MSX2: variants seen among roughly 807,000 people sequenced by gnomAD.
MSX2 encodes homeobox protein MSX-2.
In MSX2, 10 loss-of-function variants were observed where a neutral mutation model predicts 18.4. The observed-to-expected ratio is 0.54, with a 90% CI of 0.34 to 0.92. The LOEUF (loss-of-function observed/expected upper bound fraction) is 0.92. Ranked by LOEUF, MSX2 falls within the 40% of genes least tolerant of loss-of-function variation. The probability of loss-of-function intolerance (pLI) is 0.02; values close to 1 mark genes in which losing one functional copy is unlikely to be tolerated. For synonymous variants in MSX2, 170 were observed against 165.6 expected, an observed-to-expected ratio of 1.03 and a Z score of -0.20; for missense variants, 339 against 364.0, an observed-to-expected ratio of 0.93 and a Z score of 0.56.
rs1469400145 is a variant in MSX2 at position 174,729,015 on chromosome 5, A to AT, written c.380-137dup. The AT allele has an allele frequency of 4.4e-5, 30 of 680,382 alleles. No individual in the cohort carries two copies. The South Asian group carries it at 4.7e-4, about 11-fold the overall frequency. The allele number at this position is 680,382 out of a possible 1,614,324, so 42.1% of individuals were successfully genotyped here. A position where few individuals can be genotyped will look rare whatever the true frequency, so the allele number is the denominator to read the frequency against. On this transcript the variant is annotated intron_variant, in intron 1 of 1. Transcript: ENST00000239243. ...TGTGTGTATATGTATGTATATATAG[A>AT]TTTTTTTAAAGCTAAGTGCTTTCAG... is the stretch of plus-strand genomic sequence containing the variant.
intron 1 of MSX2, among the ~76,000 whole-genome samples, chr5:174,728,410 C>T (rs1462153716): frequency 1.4e-5 from 1 of 70,408 alleles, no homozygotes; most frequent in Non-Finnish European, 2.7e-5. Context: ...AATCTGTGGA[C>T]TGGATGCAAT....
At chr5:174,726,070 C>T (rs1260139479) in intron 1 of MSX2, among the ~76,000 whole-genome samples, 1 of 152,212 alleles carries the variant, frequency 6.6e-6, no homozygotes, top group Non-Finnish European at 1.5e-5. Flanking sequence ...AGAATTGAGG[C>T]TGCAGAGAAT....
Position 174,724,784 on chromosome 5 carries a change from T to C in MSX2, c.125T>C (p.Val42Ala). 6.4e-7 allele frequency: 1 copy of C among 1,555,376 alleles called. No individual in the cohort carries two copies. Among genetic ancestry groups the C allele is most frequent in the Non-Finnish European group, 8.7e-7 (1 of 1,150,164 alleles). The change falls in exon 1 of 2, where the codon GTC becomes GCC. Residue 42 changes from valine (V) to alanine (A), a missense_variant. Physicochemically the swap from Val to Ala is moderately conservative, Grantham distance 64 (BLOSUM62 0). Coordinates refer to ENST00000239243, the MANE Select transcript of MSX2 (RefSeq NM_002449.5). ...GCCGCGGAGGAGCGCCGCGTCAAGG[T>C]CTCCAGCCTGCCCTTCAGCGTGGAG... ...EGAAEERRVKVSSLPFSVEAL... is the reference protein window; with the variant it reads ...EGAAEERRVKASSLPFSVEAL...
chr5:174,725,160 A>G (rs1384135359), intron 1 of MSX2, 122 bp downstream of exon 1: 39 of 1,445,882 alleles, frequency 2.7e-5, no homozygotes, highest in Non-Finnish European at 3.6e-5. Context: ...CGGGAAAGCA[A>G]GCCCAGGGCC....
At chr5:174,725,800 T>C (rs957554928) in intron 1 of MSX2, among the ~76,000 whole-genome samples, 1 of 152,188 alleles carries the variant, frequency 6.6e-6, no homozygotes, top group Admixed American at 6.5e-5. Context: ...TGCAGAGTGA[T>C]GTTCACTAGC....
At chr5:174,725,109 G>T (rs1188166466) in intron 1 of MSX2, 71 bp downstream of exon 1, 5 of 1,574,498 alleles carry the variant, frequency 3.2e-6, no homozygotes, top group Non-Finnish European at 3.4e-6. Flanking sequence ...GGGTGTTCCA[G>T]GGCTGAGGGT....
chr5:174,724,999 G>A lies in MSX2; in HGVS notation c.340G>A (p.Ala114Thr). The A allele has an allele frequency of 1.2e-6, 2 of 1,610,522 alleles. No homozygotes were observed. The highest frequency in any genetic ancestry group is 1.7e-6 in the Non-Finnish European group (2 of 1,179,444). The change falls in exon 1 of 2, where the codon GCG becomes ACG. Residue 114 changes from alanine (A) to threonine (T), a missense_variant. Coordinates refer to ENST00000239243, the MANE Select transcript of MSX2 (RefSeq NM_002449.5). ...GTCGGAAAATTCAGAAGATGGAGCG[G>A]CGTGGATGCAGGAACCCGGCCGATA... Reference protein sequence around the residue: ...VKSENSEDGAAWMQEPGRYSP... With the variant: ...VKSENSEDGATWMQEPGRYSP...
Position 174,724,585 on chromosome 5 carries a change from G to A in MSX2, c.-75G>A, listed in dbSNP as rs916489479. 144 of 1,536,976 alleles carry A rather than the reference G, an allele frequency of 9.4e-5. No homozygotes were observed. The highest frequency in any genetic ancestry group is 1.2e-4 in the Non-Finnish European group (136 of 1,139,230). On this transcript the variant is annotated 5_prime_UTR_variant, in exon 1 of 2. Coordinates refer to ENST00000239243, the MANE Select transcript of MSX2 (RefSeq NM_002449.5). ...CCAGCGCGCCCCTCCCGTCTCCGCA[G>A]CAAAAAAGTTTGAGTCGCCGCTGCC...
At chr5:174,729,102 TA>T (rs1023958251) in intron 1 of MSX2, 56 bp from the exon 2 acceptor site, 2,108 of 1,561,258 alleles carry the variant, frequency 1.4e-3, no homozygotes, top group Middle Eastern at 3.5e-3. Context: ...GGGTTTTTTT[TA>T]GTATTATTTT....
chr5:174,725,806 C>G (rs751726191), intron 1 of MSX2, among the ~76,000 whole-genome samples: 3 of 152,154 alleles, frequency 2.0e-5, no homozygotes, highest in Admixed American at 2.0e-4. Flanking sequence ...GTGATGTTCA[C>G]TAGCTCACCA....
Position 174,729,677 on chromosome 5 carries a change from CTGCTAACCCTGCG to C in MSX2, c.*98_*110del. ...GGCAGTACCAGCCAGTACTCCTGCT[CTGCTAACCCTGCG>C]TGCACCACCCTAAGCGGCTAGGCTG... is the stretch of plus-strand genomic sequence containing the variant. On this transcript the variant is annotated 3_prime_UTR_variant, in exon 2 of 2. Transcript: ENST00000239243. The C allele has an allele frequency of 8.3e-6, 11 of 1,327,902 alleles. No individual in the cohort carries two copies. Among genetic ancestry groups the C allele is most frequent in the Non-Finnish European group, 1.2e-5 (11 of 934,894 alleles). The allele number at this position is 1,327,902 out of a possible 1,614,324, so 82.3% of individuals were successfully genotyped here. A position where few individuals can be genotyped will look rare whatever the true frequency, so the allele number is the denominator to read the frequency against.
intron 1 of MSX2, 128 bp downstream of exon 1, chr5:174,725,166 G>C: frequency 7.0e-7 from 1 of 1,426,682 alleles, no homozygotes; most frequent in Non-Finnish European, 9.3e-7. Context: ...AGCAAGCCCA[G>C]GGCCTCTGGA....
Position 174,730,544 on chromosome 5 carries a change from T to C in MSX2, c.*961T>C, listed in dbSNP as rs1760907096. On this transcript the variant is annotated 3_prime_UTR_variant, in exon 2 of 2. Transcript: ENST00000239243. ...GAGTATCTTGTAACCATTACCTATATGCTAAATATTCTTGAACAATTAGTA... is the reference window on the plus strand; with the variant it reads ...GAGTATCTTGTAACCATTACCTATACGCTAAATATTCTTGAACAATTAGTA... 1 of 148,692 alleles carries C rather than the reference T, an allele frequency of 6.7e-6. No individual in the cohort carries two copies. Among genetic ancestry groups the C allele is most frequent in the African/African-American group, 2.5e-5 (1 of 39,914 alleles). 9.2% of individuals were successfully genotyped at this position (148,692 alleles called of 1,614,324 possible).
chr5:174,725,541 T>C (rs1280485447), intron 1 of MSX2, among the ~76,000 whole-genome samples: 3 of 151,986 alleles, frequency 2.0e-5, no homozygotes, highest in South Asian at 2.1e-4. Flanking sequence ...TAGCCAGACA[T>C]TGAGGAGAAA....
Position 174,729,425 on chromosome 5 carries a change from C to G in MSX2, c.646C>G (p.Leu216Val). 1 of 1,614,132 alleles carries G rather than the reference C, an allele frequency of 6.2e-7. No individual in the cohort carries two copies. Among genetic ancestry groups the G allele is most frequent in the South Asian group, 1.1e-5 (1 of 91,082 alleles). ...EKLKMAAKPM[L>V]PSSFSLPFPI... The stretch of plus-strand genomic sequence containing the variant: ...GCTGAAAATGGCTGCAAAACCTATG[C>G]TGCCCTCCAGCTTCAGTCTCCCTTT... The change falls in exon 2 of 2, where the codon CTG becomes GTG. Residue 216 changes from leucine to valine, a missense_variant. By Grantham distance (32) the Leu-to-Val change is conservative. This residue lies in a region of MSX2 where 128 missense variants were observed against 178.6 expected (regional missense o/e 0.72). Transcript: ENST00000239243.
rs116427021 is a variant in MSX2 at position 174,727,593 on chromosome 5, A to C, written c.380-1566A>C. On this transcript the variant is annotated intron_variant, in intron 1 of 1. Transcript: ENST00000239243. ...CTTGAGAGTCTCTGACAGTGTTGTTAATTTGTAAATTAAGAAGCTGGCTCC... is the reference window on the plus strand; with the variant it reads ...CTTGAGAGTCTCTGACAGTGTTGTTCATTTGTAAATTAAGAAGCTGGCTCC... Among the ~76,000 whole-genome samples, 949 of 152,214 alleles carry C rather than the reference A, an allele frequency of 6.2e-3. 9 individuals are homozygous for C. Among genetic ancestry groups the C allele is most frequent in the African/African-American group, 0.022 (908 of 41,516 alleles).
chr5:174,729,733 A>T lies in MSX2; in HGVS notation c.*150A>T. On this transcript the variant is annotated 3_prime_UTR_variant, in exon 2 of 2. Transcript: ENST00000239243. Reference sequence around the variant, plus strand: ...CTAGGCTGACAGGGCCACACGACATAGCTGAAATTTGTTCTGTAGGCGGAG... The same window carrying T: ...CTAGGCTGACAGGGCCACACGACATTGCTGAAATTTGTTCTGTAGGCGGAG... The T allele has an allele frequency of 1.3e-6, 1 of 772,600 alleles. No individual in the cohort carries two copies. The allele number at this position is 772,600 out of a possible 1,614,324, so 47.9% of individuals were successfully genotyped here.
rs986426928 is a variant in MSX2 at position 174,730,579 on chromosome 5, A to AG, written c.*997dup. On this transcript the variant is annotated 3_prime_UTR_variant, in exon 2 of 2. Transcript: ENST00000239243. ...TCTTGAACAATTAGTAGATCCAGAA[A>AG]GAAAAAAAAATATGCTTTCTCTGTG... 3.2e-4 allele frequency: 1 copy of AG among 3,150 alleles called. No homozygotes were observed. Among genetic ancestry groups the AG allele is most frequent in the Non-Finnish European group, 2.7e-3 (1 of 370 alleles). The allele number at this position is 3,150 out of a possible 1,614,324, so 0.2% of individuals were successfully genotyped here. A position where few individuals can be genotyped will look rare whatever the true frequency, so the allele number is the denominator to read the frequency against.
intron 1 of MSX2, among the ~76,000 whole-genome samples, chr5:174,727,389 C>A (rs758335391): frequency 6.6e-6 from 1 of 152,234 alleles, no homozygotes; most frequent in Middle Eastern, 3.4e-3. Flanking sequence ...TTTCATAATT[C>A]AAATGTAACC....
Sources: gnomAD v4.1 joint callset for allele counts (sites outside exome capture counted in the v4.1 genomes callset) on GRCh38, gnomAD v4.1.1 for gene constraint, gnomAD v4.1.1 regional missense constraint, MANE v1.5 for transcripts, NCBI Gene and HGNC (gene_info 2026-07-23, HGNC 2026-07-21) for gene names.